Variants in NKAIN2 observed in about 807,000 individuals in gnomAD.
NKAIN2 encodes sodium/potassium-transporting ATPase subunit beta-1-interacting protein 2.
Under a neutral mutation model 32.6 loss-of-function variants are expected in NKAIN2, and 14 were observed. That is an observed-to-expected ratio of 0.43 (90% CI 0.28 to 0.67). The LOEUF (loss-of-function observed/expected upper bound fraction) is 0.67, where lower values mean the gene tolerates loss of function less well. Among genes scored for constraint, NKAIN2 ranks in the 30% least tolerant of loss-of-function variants. The probability of loss-of-function intolerance (pLI) is 0.17; values close to 1 mark genes in which losing one functional copy is unlikely to be tolerated. For synonymous variants in NKAIN2, 80 were observed against 87.2 expected (o/e 0.92, Z 0.46); for missense variants, 198 against 258.3 (o/e 0.77, Z 1.60).
Position 124,387,864 on chromosome 6 carries a change from G to A in NKAIN2, c.273+32517G>A, listed in dbSNP as rs542776970. Reference sequence around the variant, plus strand: ...AGTCAAGAAATACTAGCCAAATTAAGATGAATAATTTAAAAGGCAAATGGA... The same window carrying A: ...AGTCAAGAAATACTAGCCAAATTAAAATGAATAATTTAAAAGGCAAATGGA... On this transcript the variant is annotated intron_variant, in intron 3 of 6. Transcript: ENST00000368417. 1.4e-3 allele frequency among the ~76,000 whole-genome samples: 220 copies of A among 152,086 alleles called. 1 individual carries two copies. Among genetic ancestry groups the A allele is most frequent in the Non-Finnish European group, 2.6e-3 (179 of 68,008 alleles).
At chr6:124,754,309 TC>T (rs1777860519) in intron 4 of NKAIN2, among the ~76,000 whole-genome samples, 1 of 152,094 alleles carries the variant, frequency 6.6e-6, no homozygotes, top group African/African-American at 2.4e-5. Flanking sequence ...TACACTGAAT[TC>T]CTTGTCTTAT....
intron 3 of NKAIN2, among the ~76,000 whole-genome samples, chr6:124,625,826 C>T (rs186725263): frequency 6.6e-6 from 1 of 152,062 alleles, no homozygotes; most frequent in Non-Finnish European, 1.5e-5. Flanking sequence ...AGTTAGAAGT[C>T]ATCAAATGCC....
intron 4 of NKAIN2, among the ~76,000 whole-genome samples, chr6:124,768,747 C>T (rs909851136): frequency 2.6e-5 from 4 of 151,874 alleles, no homozygotes; most frequent in African/African-American, 4.8e-5. Flanking sequence ...AAAAACAAAA[C>T]TTTTGTTTGA....
At chr6:124,704,233 A>G (rs1021372852) in intron 4 of NKAIN2, among the ~76,000 whole-genome samples, 2 of 152,026 alleles carry the variant, frequency 1.3e-5, no homozygotes, top group African/African-American at 4.8e-5. Context: ...TTCATTAAAC[A>G]TTTCTTGAAA....
chr6:124,659,784 G>A (rs766743249), intron 4 of NKAIN2, among the ~76,000 whole-genome samples: 6 of 151,892 alleles, frequency 4.0e-5, no homozygotes, highest in East Asian at 1.9e-4. Flanking sequence ...TTCATTGTGC[G>A]GAATTGGTCA....
Position 124,230,397 on chromosome 6 carries a change from T to A in NKAIN2, c.55-52608T>A, listed in dbSNP as rs57470983. On this transcript the variant is annotated intron_variant, in intron 1 of 6. Coordinates refer to ENST00000368417, the MANE Select transcript of NKAIN2 (RefSeq NM_001040214.3). ...CCTGACAATGTGATAGAAAACCAAG[T>A]CTCATTTTCTGAGAAATTCAAGCCA... is the stretch of plus-strand genomic sequence containing the variant. Among the ~76,000 whole-genome samples the A allele has an allele frequency of 2.0e-3, 298 of 152,304 alleles. 3 individuals are homozygous for A. The highest frequency in any genetic ancestry group is 7.0e-3 in the African/African-American group (289 of 41,562).
intron 4 of NKAIN2, among the ~76,000 whole-genome samples, chr6:124,678,518 T>A (rs1773466932): frequency 6.6e-6 from 1 of 152,184 alleles, no homozygotes; most frequent in South Asian, 2.1e-4. Context: ...TTCTAGTGAA[T>A]TTTTCAATTC....
intron 4 of NKAIN2, among the ~76,000 whole-genome samples, chr6:124,663,345 C>T (rs887130198): frequency 5.9e-5 from 9 of 151,860 alleles, no homozygotes; most frequent in Non-Finnish European, 7.4e-5. Context: ...GCAGGAGAAT[C>T]GCTTGAAACT....
chr6:124,426,522 C>T (rs1774988951), intron 3 of NKAIN2, among the ~76,000 whole-genome samples: 3 of 152,092 alleles, frequency 2.0e-5, no homozygotes, highest in Admixed American at 1.3e-4. Flanking sequence ...ATGATTTAAA[C>T]AGACCTTTTG....
Position 124,314,070 on chromosome 6 carries a change from A to G in NKAIN2, c.192+30928A>G, listed in dbSNP as rs1583033998. On this transcript the variant is annotated intron_variant, in intron 2 of 6. Coordinates refer to ENST00000368417, the MANE Select transcript of NKAIN2 (RefSeq NM_001040214.3). ...TCAGTTTTTGCTTATACAGGCCAGAATGGGAGGGCTAGGATGAAAATTTAG... is the reference window on the plus strand; with the variant it reads ...TCAGTTTTTGCTTATACAGGCCAGAGTGGGAGGGCTAGGATGAAAATTTAG... 4.6e-5 allele frequency among the ~76,000 whole-genome samples: 7 copies of G among 152,156 alleles called. No individual in the cohort carries two copies. The South Asian group carries it at 1.5e-3, about 32-fold the overall frequency.
chr6:123,829,412 C>T (rs1309794082), intron 1 of NKAIN2: 1 of 152,104 alleles, frequency 6.6e-6, no homozygotes, highest in Non-Finnish European at 1.5e-5. Context: ...GGACATAGCC[C>T]CAAATTCCAT....
At chr6:123,976,384 TATATATATATATATATATATATATA>T (rs1562287797) in intron 1 of NKAIN2, among the ~76,000 whole-genome samples, 2 of 47,298 alleles carry the variant, frequency 4.2e-5, no homozygotes, top group African/African-American at 1.8e-4. Context: ...TATATATATA[TATATATATATATATATATATATATA>T]TATATATGGA....
At chr6:124,396,991 G>T (rs973671163) in intron 3 of NKAIN2, among the ~76,000 whole-genome samples, 3 of 152,030 alleles carry the variant, frequency 2.0e-5, no homozygotes, top group Non-Finnish European at 4.4e-5. Flanking sequence ...ATTAGAGAAT[G>T]ATTTTACTTT....
chr6:124,638,845 T>C lies in NKAIN2; in HGVS notation c.274-19341T>C, dbSNP rs1463806629. Among the ~76,000 whole-genome samples the C allele has an allele frequency of 2.4e-5, 3 of 127,196 alleles. No individual in the cohort carries two copies. The East Asian group carries it at 6.9e-4, about 29-fold the overall frequency. 83.4% of individuals were successfully genotyped at this position (127,196 alleles called of 152,430 possible). A position where few individuals can be genotyped will look rare whatever the true frequency, so the allele number is the denominator to read the frequency against. On this transcript the variant is annotated intron_variant, in intron 3 of 6. Transcript: ENST00000368417. Reference sequence around the variant, plus strand: ...GGTGGATGTTGCAGTGAGCTGAGATTGCACCACTGCACTCCAGCCTGGGGG... The same window carrying C: ...GGTGGATGTTGCAGTGAGCTGAGATCGCACCACTGCACTCCAGCCTGGGGG...
At chr6:124,164,042 T>A (rs918832655) in intron 1 of NKAIN2, among the ~76,000 whole-genome samples, 2 of 151,916 alleles carry the variant, frequency 1.3e-5, no homozygotes, top group South Asian at 2.1e-4. Context: ...GTTTGCTTTT[T>A]AAAAAAAATT....
chr6:124,560,429 C>T (rs1027737067), intron 3 of NKAIN2, among the ~76,000 whole-genome samples: 2 of 152,182 alleles, frequency 1.3e-5, no homozygotes, highest in Non-Finnish European at 2.9e-5. Flanking sequence ...ATTACACAGC[C>T]TCAGGTATGT....
At chr6:124,368,536 A>G (rs761028092) in intron 3 of NKAIN2, among the ~76,000 whole-genome samples, 1 of 152,130 alleles carries the variant, frequency 6.6e-6, no homozygotes, top group Non-Finnish European at 1.5e-5. Flanking sequence ...CCTTCCAAAC[A>G]GAAGAGTCCC....
At chr6:124,732,414 T>C (rs530119763) in intron 4 of NKAIN2, among the ~76,000 whole-genome samples, 145 of 152,120 alleles carry the variant, frequency 9.5e-4, no homozygotes, top group African/African-American at 3.3e-3. Flanking sequence ...GGACAGAAGT[T>C]AGGTCACAGT....
chr6:124,035,360 T>C (rs1781566574), intron 1 of NKAIN2, among the ~76,000 whole-genome samples: 1 of 152,132 alleles, frequency 6.6e-6, no homozygotes, highest in Non-Finnish European at 1.5e-5. Context: ...AGAATACCTT[T>C]TTCCTCAGCC....
Sources: allele counts gnomAD v4.1 joint callset (sites outside exome capture counted in the v4.1 genomes callset), GRCh38; gene constraint gnomAD v4.1.1; transcripts MANE v1.5; gene names NCBI Gene and HGNC (gene_info 2026-07-23, HGNC 2026-07-21).